The following SHISA6 variants were observed in gnomAD, a reference collection of about 807,000 sequenced individuals.
The protein encoded by SHISA6 is protein shisa-6.
In SHISA6, 22 loss-of-function variants were observed where a neutral mutation model predicts 47.9. The ratio of observed to expected loss-of-function variants is 0.46; its 90% CI spans 0.33 to 0.66. The LOEUF is 0.66. Ranked by LOEUF, SHISA6 falls within the 30% of genes least tolerant of loss-of-function variation. The probability of loss-of-function intolerance (pLI) is 0.02; values close to 1 mark genes in which losing one functional copy is unlikely to be tolerated. For missense variants in SHISA6, 680 were observed against 764.6 expected (o/e 0.89, Z 1.30); for synonymous variants, 388 against 337.8 (o/e 1.15, Z -1.63).
In SHISA6 at chr17:11,341,328, CTT is replaced by C. The variant is rs71367322; in HGVS notation, c.800-38063_800-38062del. Among the ~76,000 whole-genome samples, 509 of 88,758 alleles carry C rather than the reference CTT, an allele frequency of 5.7e-3. 1 individual carries two copies. The Middle Eastern group carries it at 0.065, about 11-fold the overall frequency. The allele number at this position is 88,758 out of a possible 152,430, so 58.2% of individuals were successfully genotyped here. On this transcript the variant is annotated intron_variant, in intron 2 of 5. Transcript: ENST00000441885. ...GGAATCCCATTCTTTCTCTCTCTCT[CTT>C]TTTTTTTTTTTTTTTTTTTTTTGAG...
rs569736558 is a variant in SHISA6, at chr17:11,462,230, C to T, written c.895+82721C>T. On this transcript the variant is annotated intron_variant, in intron 3 of 5. Transcript: ENST00000441885. ...GGCAAAGTCAGTGTGAGACTGTGTT[C>T]TGTAAAGTATGCCCTGAAGGCTGAA... is the stretch of plus-strand genomic sequence containing the variant. 3.3e-5 allele frequency among the ~76,000 whole-genome samples: 5 copies of T among 152,300 alleles called. No individual in the cohort carries two copies. The East Asian group carries it at 9.7e-4, about 29-fold the overall frequency.
chr17:11,275,585 A>G (rs1358006409), intron 2 of SHISA6, among the ~76,000 whole-genome samples: 3 of 152,214 alleles, frequency 2.0e-5, no homozygotes, highest in South Asian at 4.1e-4. Context: ...AAATCAGGCA[A>G]TAAGGCTTTG....
intron 3 of SHISA6, among the ~76,000 whole-genome samples, chr17:11,519,326 G>A (rs2071610055): frequency 6.6e-6 from 1 of 152,218 alleles, no homozygotes; most frequent in Non-Finnish European, 1.5e-5. Context: ...GAAGGACACT[G>A]ACCCATGATC....
chr17:11,267,663 AG>A (rs1342532068), intron 2 of SHISA6, among the ~76,000 whole-genome samples: 1 of 152,194 alleles, frequency 6.6e-6, no homozygotes, highest in East Asian at 1.9e-4. Flanking sequence ...AATAAGGAAA[AG>A]ATTCTTTGAA....
chr17:11,483,333 C>T (rs962293368), intron 3 of SHISA6, among the ~76,000 whole-genome samples: 13 of 149,530 alleles, frequency 8.7e-5, no homozygotes, highest in South Asian at 4.2e-4. Flanking sequence ...AACCAAAATA[C>T]GAATAATAAT....
intron 3 of SHISA6, among the ~76,000 whole-genome samples, chr17:11,387,926 C>T (rs990964275): frequency 6.6e-5 from 10 of 152,156 alleles, no homozygotes; most frequent in Admixed American, 5.9e-4. Context: ...CTCACCACTC[C>T]CACCAGCCCA....
chr17:11,491,991 G>C (rs1372662753), intron 3 of SHISA6, among the ~76,000 whole-genome samples: 1 of 152,014 alleles, frequency 6.6e-6, no homozygotes, highest in Non-Finnish European at 1.5e-5. Flanking sequence ...GGATGGTCTC[G>C]ATCTCTTGAC....
intron 2 of SHISA6, among the ~76,000 whole-genome samples, chr17:11,368,985 C>T (rs529008726): frequency 8.5e-5 from 13 of 152,310 alleles, no homozygotes; most frequent in African/African-American, 2.6e-4. Flanking sequence ...GTCTTCATCC[C>T]TTCCTCATGA....
chr17:11,317,032 G>A (rs1043216197), intron 2 of SHISA6, among the ~76,000 whole-genome samples: 2 of 151,942 alleles, frequency 1.3e-5, no homozygotes, highest in African/African-American at 4.8e-5. Context: ...TACATTGAGA[G>A]GCTTATTGAT....
intron 3 of SHISA6, among the ~76,000 whole-genome samples, chr17:11,402,083 G>A (rs936661136): frequency 6.6e-6 from 1 of 152,202 alleles, no homozygotes; most frequent in African/African-American, 2.4e-5. Flanking sequence ...CTAACTTGGG[G>A]TGGAGAATGT....
At chr17:11,308,672 C>T (rs977608392) in intron 2 of SHISA6, among the ~76,000 whole-genome samples, 1 of 152,274 alleles carries the variant, frequency 6.6e-6, no homozygotes, top group Non-Finnish European at 1.5e-5. Flanking sequence ...AGAAACTCTG[C>T]GATCTCACAG....
chr17:11,481,960 AT>A (rs1916235093), intron 3 of SHISA6, among the ~76,000 whole-genome samples: 1 of 152,204 alleles, frequency 6.6e-6, no homozygotes, highest in Non-Finnish European at 1.5e-5. Flanking sequence ...ACAGCTGGAG[AT>A]GCTCTCCAGA....
At chr17:11,502,234 C>G (rs2071459801) in intron 3 of SHISA6, among the ~76,000 whole-genome samples, 2 of 150,638 alleles carry the variant, frequency 1.3e-5, no homozygotes, top group African/African-American at 4.9e-5. Context: ...ACGGTGAAAC[C>G]CCGTCTCTAC....
intron 3 of SHISA6, among the ~76,000 whole-genome samples, chr17:11,425,169 G>A (rs1044438391): frequency 6.6e-6 from 1 of 151,898 alleles, no homozygotes; most frequent in African/African-American, 2.4e-5. Context: ...ATAGGAGAGA[G>A]AAGAAACCAA....
At chr17:11,493,571 G>GCA (rs2071383799) in intron 3 of SHISA6, among the ~76,000 whole-genome samples, 6 of 108,548 alleles carry the variant, frequency 5.5e-5, no homozygotes, top group Non-Finnish European at 6.6e-5. Context: ...GTGGATACAC[G>GCA]CGTGCGCGCG....
chr17:11,289,684 A>G (rs1301408757), intron 2 of SHISA6: 2 of 151,746 alleles, frequency 1.3e-5, no homozygotes, highest in African/African-American at 2.4e-5. Context: ...AATTTTGGCA[A>G]TTGTACTTTC....
chr17:11,471,077 C>T (rs1036355679), intron 3 of SHISA6, among the ~76,000 whole-genome samples: 7 of 151,964 alleles, frequency 4.6e-5, no homozygotes, highest in South Asian at 2.1e-4. Context: ...GGCGTGGTGG[C>T]GCATGCCTGT....
chr17:11,510,235 C>T (rs116074724), intron 3 of SHISA6, among the ~76,000 whole-genome samples: 1,794 of 152,174 alleles, frequency 0.012, 36 homozygotes, highest in African/African-American at 0.042. Context: ...CTTCAGGGAG[C>T]CTCCTCTGAT....
intron 3 of SHISA6, among the ~76,000 whole-genome samples, chr17:11,532,090 T>C (rs553681998): frequency 6.6e-6 from 1 of 152,274 alleles, no homozygotes; most frequent in South Asian, 2.1e-4. Flanking sequence ...AAGATAATGA[T>C]GTAGAACAGA....
Sources: gnomAD v4.1 joint callset for allele counts (sites outside exome capture counted in the v4.1 genomes callset) on GRCh38, gnomAD v4.1.1 for gene constraint, MANE v1.5 for transcripts, NCBI Gene and HGNC (gene_info 2026-07-23, HGNC 2026-07-21) for gene names.